Variants in KDM4C observed in about 807,000 individuals in gnomAD.
The protein encoded by KDM4C is lysine-specific demethylase 4C.
A neutral mutation model predicts 129.3 loss-of-function variants in KDM4C; 81 were observed. That is an observed-to-expected ratio of 0.63 (90% CI 0.52 to 0.75). The LOEUF (loss-of-function observed/expected upper bound fraction) is 0.75. Ranked by LOEUF, KDM4C falls within the 30% of genes least tolerant of loss-of-function variation. The probability of loss-of-function intolerance (pLI) is 0.00; values close to 1 mark genes in which losing one functional copy is unlikely to be tolerated. For missense variants in KDM4C, 1,457 were observed against 1,304.0 expected, an observed-to-expected ratio of 1.12 and a Z score of -1.81; for synonymous variants, 573 against 456.1, an observed-to-expected ratio of 1.26 and a Z score of -3.26.
At chr9:6,727,953 G>A (rs1306360014) in intron 1 of KDM4C, among the ~76,000 whole-genome samples, 1 of 150,982 alleles carries the variant, frequency 6.6e-6, no homozygotes, top group Non-Finnish European at 1.5e-5. Flanking sequence ...ACATTTCCTT[G>A]GGAATCTGCA....
intron 8 of KDM4C, among the ~76,000 whole-genome samples, chr9:6,913,160 T>C (rs1363365584): frequency 2.0e-5 from 3 of 152,240 alleles, no homozygotes; most frequent in East Asian, 1.9e-4. Flanking sequence ...CACTAGTACT[T>C]ATTCTGGGAT....
rs1472885131 is a variant in KDM4C at position 7,106,743 on chromosome 9, C to T, written c.2610+2873C>T. On this transcript the variant is annotated intron_variant, in intron 18 of 21. Coordinates refer to ENST00000381309, the MANE Select transcript of KDM4C (RefSeq NM_015061.6). ...CTCTTGAGCTCAAGAGATCCTTTAG[C>T]CTCAGCCTCCCAAAGTGCCGGAGTT... 2.0e-5 allele frequency among the ~76,000 whole-genome samples: 3 copies of T among 152,022 alleles called. No individual in the cohort carries two copies. The East Asian group carries it at 5.8e-4, about 29-fold the overall frequency.
At chr9:6,757,296 G>A (rs759628934), upstream of KDM4C, among the ~76,000 whole-genome samples, 4 of 152,248 alleles carry the variant, frequency 2.6e-5, no homozygotes, top group Non-Finnish European at 1.5e-5. Context: ...ATTCCTATTG[G>A]GGTCACCTTT....
chr9:6,835,393 A>G, intron 4 of KDM4C: 1 of 1,123,470 alleles, frequency 8.9e-7, no homozygotes, highest in Non-Finnish European at 1.4e-6. Flanking sequence ...CAGGATGCAG[A>G]AGGAGATCAC....
chr9:7,028,862 T>C (rs1223320455), intron 15 of KDM4C, among the ~76,000 whole-genome samples: 6 of 152,214 alleles, frequency 3.9e-5, no homozygotes, highest in African/African-American at 1.4e-4. Context: ...ATTCAGTGCA[T>C]TCTCTTACAA....
chr9:6,855,162 T>C (rs1348752649), intron 5 of KDM4C, among the ~76,000 whole-genome samples: 2 of 152,126 alleles, frequency 1.3e-5, no homozygotes, highest in Admixed American at 1.3e-4. Context: ...TAATAAGTGT[T>C]CTTGGTTATA....
chr9:6,944,346 T>A (rs1826486038), intron 8 of KDM4C, among the ~76,000 whole-genome samples: 1 of 152,214 alleles, frequency 6.6e-6, no homozygotes, highest in Admixed American at 6.5e-5. Context: ...AAATTGCTTT[T>A]CATTTGCAGG....
chr9:7,138,329 A>G (rs1841419160), intron 19 of KDM4C, among the ~76,000 whole-genome samples: 1 of 152,198 alleles, frequency 6.6e-6, no homozygotes, highest in African/African-American at 2.4e-5. Flanking sequence ...AAAATGGAGG[A>G]TATATTTGAA....
At chr9:7,049,921 G>T (rs1349899166) in intron 17 of KDM4C, among the ~76,000 whole-genome samples, 1 of 152,078 alleles carries the variant, frequency 6.6e-6, no homozygotes, top group East Asian at 1.9e-4. Context: ...ATGTATTGGA[G>T]CACGTCTTAC....
At chr9:6,746,875 G>A (rs961811432) in intron 1 of KDM4C, among the ~76,000 whole-genome samples, 65 of 150,796 alleles carry the variant, frequency 4.3e-4, no homozygotes, top group Admixed American at 8.0e-4. Context: ...GCGTGGTGGC[G>A]GGCACCTGTA....
At chr9:6,861,044 T>C (rs1840832465) in intron 5 of KDM4C, among the ~76,000 whole-genome samples, 1 of 152,252 alleles carries the variant, frequency 6.6e-6, no homozygotes, top group African/African-American at 2.4e-5. Flanking sequence ...TGATAACTTT[T>C]ACCCAAGGCA....
At chr9:7,132,370 C>G in intron 19 of KDM4C, among the ~76,000 whole-genome samples, 1 of 152,176 alleles carries the variant, frequency 6.6e-6, no homozygotes, top group South Asian at 2.1e-4. Context: ...CGTTATGTGA[C>G]TGGAGAGAGC....
intron 1 of KDM4C, among the ~76,000 whole-genome samples, chr9:6,765,466 A>C (rs1820423998): frequency 6.6e-6 from 1 of 152,100 alleles, no homozygotes; most frequent in Non-Finnish European, 1.5e-5. Context: ...CCTAACACTT[A>C]GTGGTTTATA....
At chr9:7,052,522 C>G (rs1830285278) in intron 17 of KDM4C, among the ~76,000 whole-genome samples, 1 of 152,160 alleles carries the variant, frequency 6.6e-6, no homozygotes, top group South Asian at 2.1e-4. Context: ...TGTAACAGAT[C>G]TAATTCACAC....
chr9:7,026,951 A>G (rs1055873514), intron 15 of KDM4C, among the ~76,000 whole-genome samples: 8 of 151,818 alleles, frequency 5.3e-5, no homozygotes, highest in African/African-American at 1.9e-4. Context: ...AATTATTTCA[A>G]TCTCTTCGTT....
chr9:7,081,658 C>T (rs569113388), intron 17 of KDM4C, among the ~76,000 whole-genome samples: 2 of 152,306 alleles, frequency 1.3e-5, no homozygotes, highest in South Asian at 4.1e-4. Context: ...TTAAACACCT[C>T]ACGAGCCCAG....
chr9:7,095,208 G>T (rs1836279990), intron 17 of KDM4C, among the ~76,000 whole-genome samples: 2 of 152,168 alleles, frequency 1.3e-5, no homozygotes, highest in South Asian at 4.1e-4. Flanking sequence ...TTCCACCCCG[G>T]TCCTCATAAA....
chr9:7,128,786 G>A (rs757850579), intron 19 of KDM4C, among the ~76,000 whole-genome samples: 25 of 151,942 alleles, frequency 1.6e-4, no homozygotes, highest in African/African-American at 3.1e-4. Flanking sequence ...GTGTGTGTGC[G>A]TGCGCGTGTG....
chr9:6,725,178 C>T (rs1029395416), intron 1 of KDM4C, among the ~76,000 whole-genome samples: 10 of 152,054 alleles, frequency 6.6e-5, no homozygotes, highest in South Asian at 6.2e-4. Context: ...TGAGGGAGAT[C>T]GAGGCCGAGG....
Sources: gnomAD v4.1 joint callset for allele counts (sites outside exome capture counted in the v4.1 genomes callset) on GRCh38, gnomAD v4.1.1 for gene constraint, MANE v1.5 for transcripts, NCBI Gene and HGNC (gene_info 2026-07-23, HGNC 2026-07-21) for gene names.